Variants in AMBN observed in about 807,000 individuals in gnomAD.
The protein encoded by AMBN is enamel matrix protein.
Under a neutral mutation model 48.0 loss-of-function variants are expected in AMBN, and 54 were observed. That is an observed-to-expected ratio of 1.12 (90% CI 0.90 to 1.41). The LOEUF (loss-of-function observed/expected upper bound fraction) is 1.41, where lower values mean the gene tolerates loss of function less well. Ranked by LOEUF, AMBN falls within the 40% of genes most tolerant of loss-of-function variation. AMBN has a pLI of 0.00. For missense variants in AMBN, 571 were observed against 547.3 expected, an observed-to-expected ratio of 1.04 and a Z score of -0.43; for synonymous variants, 186 against 190.0, an observed-to-expected ratio of 0.98 and a Z score of 0.17.
chr4:70,597,619 A>G (rs1737416154), intron 3 of AMBN, among the ~76,000 whole-genome samples: 1 of 152,144 alleles, frequency 6.6e-6, no homozygotes, highest in Non-Finnish European at 1.5e-5. Context: ...ACAGTTATAT[A>G]TAGAAAGATA....
At position 70,603,325 on chromosome 4, in the gene AMBN, T is replaced by C. The variant is rs1310579290; in HGVS notation, c.708+6T>C. On this transcript the variant is annotated splice_donor_region_variant and intron_variant, in intron 10 of 12. Transcript: ENST00000322937. ...CACAAAATAAACAATCTCCAGTAAG[T>C]TTTTTTTAATACCACATCTCTGTTT... 6.2e-7 allele frequency: 1 copy of C among 1,612,528 alleles called. No homozygotes were observed. Among genetic ancestry groups the C allele is most frequent in the Non-Finnish European group, 8.5e-7 (1 of 1,179,010 alleles).
In AMBN at chr4:70,601,410, C is replaced by G. The variant is rs371026801; in HGVS notation, c.295-8C>G. On this transcript the variant is annotated splice_region_variant and splice_polypyrimidine_tract_variant and intron_variant, in intron 5 of 12. Transcript: ENST00000322937. Reference sequence around the variant, plus strand: ...CCTTCCTAACACTCTTTTCAAATTTCTCTGCAGTATGAATATTCTTTGCCT... The same window carrying G: ...CCTTCCTAACACTCTTTTCAAATTTGTCTGCAGTATGAATATTCTTTGCCT... The G allele has an allele frequency of 1.9e-6, 3 of 1,612,912 alleles. No homozygotes were observed. Among genetic ancestry groups the G allele is most frequent in the Non-Finnish European group, 2.5e-6 (3 of 1,178,902 alleles).
At position 70,602,621 on chromosome 4, in the gene AMBN, T is replaced by C. The variant is rs780326419; in HGVS notation, c.532-3T>C. ...ATAATTTTAATATTTATCTGTGATA[T>C]AGCTCCCAGGAGTAGATTTTGCTGA... On this transcript the variant is annotated splice_polypyrimidine_tract_variant and splice_region_variant and intron_variant, in intron 6 of 12. Coordinates refer to ENST00000322937, the MANE Select transcript of AMBN (RefSeq NM_016519.6). 1 of 1,561,536 alleles carries C rather than the reference T, an allele frequency of 6.4e-7. No individual in the cohort carries two copies. The highest frequency in any genetic ancestry group is 8.7e-7 in the Non-Finnish European group (1 of 1,154,854).
intron 2 of AMBN, among the ~76,000 whole-genome samples, chr4:70,595,363 T>C (rs527781394): frequency 2.9e-4 from 44 of 152,054 alleles, no homozygotes; most frequent in Non-Finnish European, 6.2e-4. Flanking sequence ...AATTTTTGTA[T>C]TTTTGTAGAG....
Position 70,603,475 on chromosome 4 carries a change from T to C in AMBN, c.753+15T>C. On this transcript the variant is annotated intron_variant, in intron 11 of 12. Coordinates refer to ENST00000322937, the MANE Select transcript of AMBN (RefSeq NM_016519.6). ...CAAATCAATTGGTAAGTCCATATTCTATAAAAAGTATTGTTTTTAATTAAA... is the reference window on the plus strand; with the variant it reads ...CAAATCAATTGGTAAGTCCATATTCCATAAAAAGTATTGTTTTTAATTAAA... 1 of 1,605,548 alleles carries C rather than the reference T, an allele frequency of 6.2e-7. No individual in the cohort carries two copies. Among genetic ancestry groups the C allele is most frequent in the Non-Finnish European group, 8.5e-7 (1 of 1,176,430 alleles).
Position 70,606,768 on chromosome 4 carries a change from C to A in AMBN, c.*38C>A. ...ATTAGCTACTTTCTGTATGCACAAG[C>A]TTCCCAGCTTTGTCCCCACAGTGTA... On this transcript the variant is annotated 3_prime_UTR_variant, in exon 13 of 13. Transcript: ENST00000322937. 6.4e-7 allele frequency: 1 copy of A among 1,567,300 alleles called. No homozygotes were observed. Among genetic ancestry groups the A allele is most frequent in the Non-Finnish European group, 8.6e-7 (1 of 1,156,546 alleles).
At chr4:70,601,244 T>C (rs1340055735) in intron 5 of AMBN, among the ~76,000 whole-genome samples, 174 bp from the exon 6 acceptor site, 2 of 151,960 alleles carry the variant, frequency 1.3e-5, no homozygotes, top group Non-Finnish European at 2.9e-5. Context: ...ACACAAGACC[T>C]CCCCAAACAA....
In AMBN at chr4:70,594,250, T is replaced by C. The variant is rs1409776696; in HGVS notation, c.84+855T>C. Among the ~76,000 whole-genome samples the C allele has an allele frequency of 3.3e-5, 5 of 152,200 alleles. No homozygotes were observed. In the East Asian group the frequency reaches 5.8e-4, roughly 18 times the overall value. Reference sequence around the variant, plus strand: ...CATATCATAGTGATGGGGCTAATTGTGTATTACAGTCCCACACCTGATCCA... The same window carrying C: ...CATATCATAGTGATGGGGCTAATTGCGTATTACAGTCCCACACCTGATCCA... On this transcript the variant is annotated intron_variant, in intron 2 of 12. Coordinates refer to ENST00000322937, the MANE Select transcript of AMBN (RefSeq NM_016519.6).
At chr4:70,602,361 G>A (rs901125195) in intron 6 of AMBN, among the ~76,000 whole-genome samples, 7 of 152,168 alleles carry the variant, frequency 4.6e-5, no homozygotes, top group African/African-American at 1.7e-4. Context: ...GCAAGAGATA[G>A]CAAAGCCATG....
Position 70,606,639 on chromosome 4 carries a change from T to C in AMBN, c.1253T>C (p.Met418Thr), listed in dbSNP as rs767008720. 7 of 1,613,972 alleles carry C rather than the reference T, an allele frequency of 4.3e-6. No homozygotes were observed. ...GAAGAAGCAACCATGGATACCACGA[T>C]GGCCCCAAACTCTCTGCAAACATCC... is the stretch of plus-strand genomic sequence containing the variant. ...FQEEATMDTT[M>T]APNSLQTSMP... The change falls in exon 13 of 13, where the codon ATG becomes ACG. Residue 418 changes from methionine (M) to threonine (T), a missense_variant. Met to Thr is a moderately conservative substitution (Grantham distance 81, BLOSUM62 -1). Transcript: ENST00000322937.
At chr4:70,604,861 C>T (rs571921337) in intron 12 of AMBN, among the ~76,000 whole-genome samples, 10 of 152,084 alleles carry the variant, frequency 6.6e-5, no homozygotes, top group South Asian at 2.1e-4. Context: ...GGTTTAGTGG[C>T]GCGAGCCTGT....
chr4:70,601,814 T>C (rs1296133449), intron 6 of AMBN, 160 bp downstream of exon 6: 1 of 756,418 alleles, frequency 1.3e-6, no homozygotes, highest in East Asian at 2.7e-5. Context: ...ATTTTTTGAG[T>C]AAAACGTAAA....
intron 12 of AMBN, among the ~76,000 whole-genome samples, chr4:70,604,911 C>T (rs139568664): frequency 0.033 from 5,026 of 151,350 alleles, 269 homozygotes; most frequent in African/African-American, 0.12. Context: ...GAGAATCACT[C>T]GAAACTGGGA....
At position 70,606,408 on chromosome 4, in the gene AMBN, T is replaced by C. The variant is rs1363456791; in HGVS notation, c.1022T>C (p.Phe341Ser). Residue 341 changes from phenylalanine to serine, a missense_variant, in exon 13 of 13, where the codon TTC becomes TCC. Transcript: ENST00000322937. ...ANPDNLENPA[F>S]LTELEPAPHA... ...CCAGACAATCTAGAAAACCCAGCTT[T>C]CCTTACAGAGCTAGAACCTGCTCCC... 2 of 1,613,938 alleles carry C rather than the reference T, an allele frequency of 1.2e-6. No individual in the cohort carries two copies. The highest frequency in any genetic ancestry group is 1.7e-5 in the Admixed American group (1 of 59,998).
Position 70,603,021 on chromosome 4 carries a change from A to G in AMBN, c.648+11A>G. 1 of 1,600,354 alleles carries G rather than the reference A, an allele frequency of 6.2e-7. No homozygotes were observed. The highest frequency in any genetic ancestry group is 8.5e-7 in the Non-Finnish European group (1 of 1,175,264). ...CCACAAGGTTCAACAGTAAGTACAG[A>G]TCTCAATGAGACACTGTCTTGCAAA... On this transcript the variant is annotated intron_variant, in intron 9 of 12. Transcript: ENST00000322937.
intron 3 of AMBN, among the ~76,000 whole-genome samples, chr4:70,597,780 T>A (rs867098230): frequency 6.6e-6 from 1 of 152,280 alleles, no homozygotes; most frequent in South Asian, 2.1e-4. Flanking sequence ...TAGCTTAAAC[T>A]CAATCCAAAG....
rs772863243 is a variant in AMBN at position 70,602,972 on chromosome 4, C to G, written c.610C>G (p.Leu204Val). Residue 204 changes from leucine to valine, a missense_variant and splice_region_variant, in exon 9 of 13, where the codon CTC becomes GTC. Physicochemically the swap from Leu to Val is conservative, Grantham distance 32. Coordinates refer to ENST00000322937, the MANE Select transcript of AMBN (RefSeq NM_016519.6). ...MDFPDPQGPS[L>V]PGLDFADPQG... is the part of the protein sequence containing the mutation. Reference sequence around the variant, plus strand: ...ATTTTAATATTTATCTGTAATATAGCTCCCAGGATTGGATTTTGCTGATCC... The same window carrying G: ...ATTTTAATATTTATCTGTAATATAGGTCCCAGGATTGGATTTTGCTGATCC... The G allele has an allele frequency of 1.9e-6, 3 of 1,602,970 alleles. No homozygotes were observed. The East Asian group carries it at 6.7e-5, about 36-fold the overall frequency.
rs760923195 is a variant in AMBN, at chr4:70,603,431, T to C, written c.724T>C (p.Leu242=). ...NKQSPLYPGM[L]YVPFGANQLN... Reference sequence around the variant, plus strand: ...TTTTATTTAGCTTTATCCAGGAATGTTGTACGTGCCTTTTGGAGCAAATCA... The same window carrying C: ...TTTTATTTAGCTTTATCCAGGAATGCTGTACGTGCCTTTTGGAGCAAATCA... Residue 242 remains leucine (L), a synonymous_variant, in exon 11 of 13, where the codon TTG becomes CTG. Coordinates refer to ENST00000322937, the MANE Select transcript of AMBN (RefSeq NM_016519.6). 5.0e-6 allele frequency: 8 copies of C among 1,613,042 alleles called. No homozygotes were observed. The highest frequency in any genetic ancestry group is 4.0e-5 in the African/African-American group (3 of 74,902).
At chr4:70,599,173 T>C (rs1325111130) in intron 4 of AMBN, among the ~76,000 whole-genome samples, 1 of 152,060 alleles carries the variant, frequency 6.6e-6, no homozygotes, top group Non-Finnish European at 1.5e-5. Flanking sequence ...CCAGGAGCAG[T>C]GGCTCACGCC....
Sources: allele counts gnomAD v4.1 joint callset (sites outside exome capture counted in the v4.1 genomes callset), GRCh38; gene constraint gnomAD v4.1.1; transcripts MANE v1.5; gene names NCBI Gene and HGNC (gene_info 2026-07-23, HGNC 2026-07-21).